The following IRS1 variants were observed in gnomAD, a reference collection of about 807,000 sequenced individuals.
IRS1 encodes the protein insulin receptor substrate 1.
IRS1 carries 34 observed loss-of-function variants against 65.6 expected under a neutral mutation model. The observed-to-expected ratio is 0.52, with a 90% CI of 0.39 to 0.69. The LOEUF (loss-of-function observed/expected upper bound fraction) is 0.69. Ranked by LOEUF, IRS1 falls within the 30% of genes least tolerant of loss-of-function variation. IRS1 has a pLI of 0.00. For missense variants in IRS1, 1,641 were observed against 1,720.2 expected (o/e 0.95, Z 0.81); for synonymous variants, 699 against 683.5 (o/e 1.02, Z -0.35).
intron 1 of IRS1, among the ~76,000 whole-genome samples, chr2:226,784,416 A>G (rs1456761907): frequency 6.6e-6 from 1 of 151,494 alleles, no homozygotes; most frequent in Non-Finnish European, 1.5e-5. Flanking sequence ...TAATTTTTTT[A>G]TTTTTATTTT....
At chr2:226,755,010 G>C (rs1215814797) in intron 1 of IRS1, among the ~76,000 whole-genome samples, 3 of 152,138 alleles carry the variant, frequency 2.0e-5, no homozygotes, top group Admixed American at 1.3e-4. Flanking sequence ...ACAGCCAAAA[G>C]GTAAAGCGTG....
intron 1 of IRS1, among the ~76,000 whole-genome samples, chr2:226,745,731 T>TAGA (rs1358553704): frequency 6.6e-6 from 1 of 152,210 alleles, no homozygotes; most frequent in Non-Finnish European, 1.5e-5. Flanking sequence ...TATGAAGAAC[T>TAGA]AGAAACCCTT....
In IRS1 at chr2:226,797,088, ACTC is replaced by A; in HGVS notation, c.1648_1650del (p.Glu550del). The A allele has an allele frequency of 6.2e-7, 1 of 1,613,012 alleles. No individual in the cohort carries two copies. Among genetic ancestry groups the A allele is most frequent in the Non-Finnish European group, 8.5e-7 (1 of 1,179,848 alleles). ...GGGTAGGCAGGCATCATCTCTGTGT[ACTC>A]CTCAATGGAAGCCACTGAGGACTGG... On this transcript the variant is annotated inframe_deletion, in exon 1 of 2. Coordinates refer to ENST00000305123, the MANE Select transcript of IRS1 (RefSeq NM_005544.3). This position sits in a 1 kb window ranked among gnomAD's most constrained non-coding sequence, Gnocchi z 8.1.
chr2:226,790,359 C>T (rs1939566960), intron 1 of IRS1, among the ~76,000 whole-genome samples: 1 of 151,696 alleles, frequency 6.6e-6, no homozygotes, highest in Admixed American at 6.6e-5. Flanking sequence ...GTGGCATGCC[C>T]TTTGGATCCC....
intron 1 of IRS1, among the ~76,000 whole-genome samples, chr2:226,758,169 C>T (rs980498084): frequency 6.6e-6 from 1 of 152,174 alleles, no homozygotes; most frequent in African/African-American, 2.4e-5. Context: ...CGATTCTTCA[C>T]ATTTCAGGAC....
chr2:226,797,778 G>C lies in IRS1; in HGVS notation c.961C>G (p.Pro321Ala). Residue 321 changes from proline (P) to alanine (A), a missense_variant, in exon 1 of 2, where the codon CCA becomes GCA. Around this residue, in one of 3 missense-constraint regions of IRS1, gnomAD observed 1,324 missense variants for 1,361.0 expected, o/e 0.97. Coordinates refer to ENST00000305123, the MANE Select transcript of IRS1 (RefSeq NM_005544.3). The surrounding 1 kb of genome is among the most constrained non-coding windows in gnomAD (Gnocchi z 8.1). The stretch of plus-strand genomic sequence containing the variant: ...GAGGCGCGGACACGGAAGGAGCCTG[G>C]CTTCCCGCCCACCATGCTGGCCGGG... ...TSPASMVGGK[P>A]GSFRVRASSD... 1.3e-6 allele frequency: 2 copies of C among 1,595,284 alleles called. No individual in the cohort carries two copies. Among genetic ancestry groups the C allele is most frequent in the Non-Finnish European group, 1.7e-6 (2 of 1,173,628 alleles).
At position 226,797,059 on chromosome 2, in the gene IRS1, T is replaced by A. The variant is rs1412539440; in HGVS notation, c.1680A>T (p.Pro560=). 1.9e-6 allele frequency: 3 copies of A among 1,611,800 alleles called. No individual in the cohort carries two copies. The highest frequency in any genetic ancestry group is 2.5e-6 in the Non-Finnish European group (3 of 1,178,756). Residue 560 remains proline, a synonymous_variant, in exon 1 of 2, where the codon CCA becomes CCT. Coordinates refer to ENST00000305123, the MANE Select transcript of IRS1 (RefSeq NM_005544.3). The surrounding 1 kb of genome is among the most constrained non-coding windows in gnomAD (Gnocchi z 8.1). ...GCAGTCGGCCTCCACTGCCACCTCC[T>A]GGTGGGTAGGCAGGCATCATCTCTG... The part of the protein sequence containing the change: ...EYTEMMPAYP[P]GGGSGGRLPG...
chr2:226,790,450 T>G (rs1939568459), intron 1 of IRS1, among the ~76,000 whole-genome samples: 2 of 152,278 alleles, frequency 1.3e-5, no homozygotes, highest in Admixed American at 1.3e-4. Context: ...ATATGCAACA[T>G]TTTATGGATT....
chr2:226,795,665 C>A lies in IRS1; in HGVS notation c.3074G>T (p.Ser1025Ile). The A allele has an allele frequency of 1.9e-6, 3 of 1,613,108 alleles. No homozygotes were observed. Among genetic ancestry groups the A allele is most frequent in the Non-Finnish European group, 1.7e-6 (2 of 1,179,972 alleles). Reference sequence around the variant, plus strand: ...AGCAGCCATGGTGGCCCTGGGCAGGCTCACCTCCTCTGCAGCAATGCCTGT... The same window carrying A: ...AGCAGCCATGGTGGCCCTGGGCAGGATCACCTCCTCTGCAGCAATGCCTGT... The part of the protein sequence containing the change: ...MRTGIAAEEV[S>I]LPRATMAAAS... Residue 1025 changes from serine to isoleucine, a missense_variant, in exon 1 of 2, where the codon AGC becomes ATC. Ser to Ile is a moderately radical substitution (Grantham distance 142, BLOSUM62 -2). This residue lies in a region of IRS1 where 1,324 missense variants were observed against 1,361.0 expected (regional missense o/e 0.97). Transcript: ENST00000305123.
At chr2:226,769,616 A>G (rs1263367279) in intron 1 of IRS1, among the ~76,000 whole-genome samples, 1 of 152,240 alleles carries the variant, frequency 6.6e-6, no homozygotes, top group Non-Finnish European at 1.5e-5. Flanking sequence ...TTGAAAAGCA[A>G]CAACTTATCA....
At chr2:226,768,974 C>G (rs1156273767) in intron 1 of IRS1, among the ~76,000 whole-genome samples, 1 of 152,202 alleles carries the variant, frequency 6.6e-6, no homozygotes, top group Non-Finnish European at 1.5e-5. Flanking sequence ...TGAGGCAAGA[C>G]AGATGGTGCC....
chr2:226,791,984 G>C (rs1041303468), intron 1 of IRS1, among the ~76,000 whole-genome samples: 2 of 152,204 alleles, frequency 1.3e-5, no homozygotes, highest in African/African-American at 4.8e-5. Flanking sequence ...AAAAGGGAAA[G>C]TGCCAGGGCC....
At chr2:226,791,202 G>T (rs1279907600) in intron 1 of IRS1, among the ~76,000 whole-genome samples, 4 of 152,122 alleles carry the variant, frequency 2.6e-5, no homozygotes, top group Non-Finnish European at 5.9e-5. Flanking sequence ...GGCATCCGCA[G>T]CACTCGCAGG....
intron 1 of IRS1, among the ~76,000 whole-genome samples, chr2:226,766,158 TATA>T (rs1939041169): frequency 4.8e-5 from 1 of 20,898 alleles, no homozygotes; most frequent in South Asian, 2.2e-3. Flanking sequence ...TATATATATA[TATA>T]TATTTTTTTT....
chr2:226,783,967 C>G (rs1461650230), intron 1 of IRS1, among the ~76,000 whole-genome samples: 5 of 152,000 alleles, frequency 3.3e-5, no homozygotes, highest in Non-Finnish European at 7.4e-5. Flanking sequence ...ATAGCAAGCA[C>G]CAACTGACAG....
chr2:226,778,949 G>A (rs1232437411), intron 1 of IRS1, among the ~76,000 whole-genome samples: 2 of 152,178 alleles, frequency 1.3e-5, no homozygotes, highest in Non-Finnish European at 2.9e-5. Flanking sequence ...GTCCTCTATA[G>A]CTTTCTCACT....
intron 1 of IRS1, among the ~76,000 whole-genome samples, chr2:226,783,641 G>A (rs1045761297): frequency 6.6e-6 from 1 of 152,126 alleles, no homozygotes; most frequent in African/African-American, 2.4e-5. Context: ...AAACATCTAA[G>A]AATAATTTTA....
At chr2:226,768,515 AG>A (rs1939100036) in intron 1 of IRS1, among the ~76,000 whole-genome samples, 1 of 152,200 alleles carries the variant, frequency 6.6e-6, no homozygotes, top group Admixed American at 6.5e-5. Context: ...ACCAAACCAA[AG>A]CCAAAGGGCT....
At chr2:226,751,023 T>C (rs1471172054) in intron 1 of IRS1, among the ~76,000 whole-genome samples, 2 of 152,110 alleles carry the variant, frequency 1.3e-5, no homozygotes, top group Non-Finnish European at 2.9e-5. Flanking sequence ...GAGGGCTTAG[T>C]TGAGGGCCAA....
Sources: allele counts gnomAD v4.1 joint callset (sites outside exome capture counted in the v4.1 genomes callset), GRCh38; gene constraint gnomAD v4.1.1; regional missense constraint gnomAD v4.1.1; non-coding constraint Gnocchi (gnomAD v3.1); transcripts MANE v1.5; gene names NCBI Gene and HGNC (gene_info 2026-07-23, HGNC 2026-07-21).